Variants in LPAR1 observed in about 807,000 individuals in gnomAD.
LPAR1 encodes LPA receptor 1.
A neutral mutation model predicts 23.8 loss-of-function variants in LPAR1; 5 were observed. That is an observed-to-expected ratio of 0.21 (90% CI 0.11 to 0.44). The LOEUF (loss-of-function observed/expected upper bound fraction) is 0.44, where lower values mean the gene tolerates loss of function less well. Among genes scored for constraint, LPAR1 ranks in the 20% least tolerant of loss-of-function variants. LPAR1 has a pLI of 0.99. For synonymous variants in LPAR1, 160 were observed against 164.7 expected, an observed-to-expected ratio of 0.97 and a Z score of 0.22; for missense variants, 311 against 482.8, an observed-to-expected ratio of 0.64 and a Z score of 3.33.
chr9:110,918,992 G>A (rs1388323057), intron 5 of LPAR1, among the ~76,000 whole-genome samples: 1 of 152,202 alleles, frequency 6.6e-6, no homozygotes, highest in East Asian at 1.9e-4. Flanking sequence ...CCCCTGGTGT[G>A]TGAGCAGAAC....
chr9:111,000,900 G>A (rs558808592), intron 2 of LPAR1, among the ~76,000 whole-genome samples: 2 of 152,222 alleles, frequency 1.3e-5, no homozygotes, highest in South Asian at 4.2e-4. Flanking sequence ...TTTGGAGTCA[G>A]AATTAAATCT....
At chr9:110,949,852 T>C (rs10817118) in intron 4 of LPAR1, among the ~76,000 whole-genome samples, 33,022 of 152,034 alleles carry the variant, frequency 0.22, 4,394 homozygotes, top group Admixed American at 0.29. Flanking sequence ...TACGACTAAA[T>C]AGGGTTTCCT....
intron 2 of LPAR1, among the ~76,000 whole-genome samples, chr9:110,981,138 G>A (rs918462048): frequency 6.6e-5 from 10 of 152,076 alleles, no homozygotes; most frequent in South Asian, 6.2e-4. Context: ...TCAAATATTC[G>A]GTAAGTTCAC....
intron 5 of LPAR1, among the ~76,000 whole-genome samples, chr9:110,906,976 A>G (rs879789985): frequency 0.037 from 5,680 of 152,296 alleles, 172 homozygotes; most frequent in Non-Finnish European, 0.047. Context: ...TGTAACTTAA[A>G]AAATCTAGAA....
rs748796192 is a variant in LPAR1, at chr9:110,941,741, C to T, written c.473G>A (p.Arg158Gln). Residue 158 changes from arginine (R) to glutamine (Q), a missense_variant, in exon 5 of 6, where the codon CGG becomes CAG. Arg to Gln is a conservative substitution (Grantham distance 43). Around this residue, in one of 2 missense-constraint regions of LPAR1, gnomAD observed 250 missense variants for 427.2 expected, o/e 0.59. Coordinates refer to ENST00000683809, the MANE Select transcript of LPAR1 (RefSeq NM_001351411.2). This position sits in a 1 kb window ranked among gnomAD's most constrained non-coding sequence, Gnocchi z 6.1. ...CACCACTACCCGCCGGTTGCTCATC[C>T]GTGTGTGGAGCTGCATGCGGAAAAC... ...ITVFRMQLHT[R>Q]MSNRRVVVVI... is the part of the protein sequence containing the mutation. 1.4e-5 allele frequency: 22 copies of T among 1,614,044 alleles called. No homozygotes were observed. The highest frequency in any genetic ancestry group is 5.0e-5 in the Admixed American group (3 of 60,006).
intron 5 of LPAR1, among the ~76,000 whole-genome samples, chr9:110,888,402 G>T (rs1037567060): frequency 2.0e-5 from 3 of 152,030 alleles, no homozygotes; most frequent in African/African-American, 7.2e-5. Context: ...TTCGACAGTT[G>T]TTTTCATCAG....
intron 5 of LPAR1, among the ~76,000 whole-genome samples, chr9:110,915,297 G>A (rs1021795551): frequency 6.6e-6 from 1 of 152,206 alleles, no homozygotes; most frequent in Non-Finnish European, 1.5e-5. Context: ...AGCACTTTGG[G>A]AAGCTGAGGC....
intron 5 of LPAR1, among the ~76,000 whole-genome samples, chr9:110,890,915 G>A (rs1008081392): frequency 6.6e-6 from 1 of 151,366 alleles, no homozygotes; most frequent in African/African-American, 2.4e-5. Context: ...ATAATTACAA[G>A]TACAACACTT....
intron 4 of LPAR1, among the ~76,000 whole-genome samples, chr9:110,971,593 A>C (rs1278143439): frequency 2.6e-5 from 4 of 152,190 alleles, no homozygotes; most frequent in Non-Finnish European, 5.9e-5. Context: ...AGTTTCTGGA[A>C]TTGCATTTTG....
At chr9:110,951,952 C>T (rs889605891) in intron 4 of LPAR1, among the ~76,000 whole-genome samples, 3 of 152,132 alleles carry the variant, frequency 2.0e-5, no homozygotes, top group African/African-American at 7.2e-5. Context: ...ATGACTAAAG[C>T]AATTTGCACA....
chr9:111,032,464 C>T (rs1167308488), intron 2 of LPAR1, among the ~76,000 whole-genome samples: 2 of 152,126 alleles, frequency 1.3e-5, no homozygotes, highest in Admixed American at 1.3e-4. Context: ...GGAATCCTGC[C>T]TTATTCACAC....
At chr9:110,912,754 AG>A (rs2092621158) in intron 5 of LPAR1, among the ~76,000 whole-genome samples, 1 of 152,070 alleles carries the variant, frequency 6.6e-6, no homozygotes, top group African/African-American at 2.4e-5. Flanking sequence ...TCCAAGGAGA[AG>A]GGCTAGAGAT....
At position 110,970,469 on chromosome 9, in the gene LPAR1, C is replaced by A. The variant is rs1001279971; in HGVS notation, c.45+1604G>T. ...GGTCCACTTACCAGAAAGAGGAATG[C>A]GTATGACGATGGTAACACTAAACAT... is the stretch of plus-strand genomic sequence containing the variant. On this transcript the variant is annotated intron_variant, in intron 4 of 5. Transcript: ENST00000683809. 2.6e-5 allele frequency among the ~76,000 whole-genome samples: 4 copies of A among 152,110 alleles called. No homozygotes were observed. The South Asian group carries it at 8.3e-4, about 32-fold the overall frequency.
intron 5 of LPAR1, among the ~76,000 whole-genome samples, chr9:110,907,993 C>A (rs1171696266): frequency 6.6e-6 from 1 of 150,968 alleles, no homozygotes; most frequent in African/African-American, 2.4e-5. Flanking sequence ...AAAACAGATT[C>A]ATAAGAAAAT....
intron 2 of LPAR1, among the ~76,000 whole-genome samples, chr9:111,017,762 C>T (rs1359852924): frequency 6.6e-6 from 1 of 152,182 alleles, no homozygotes; most frequent in Non-Finnish European, 1.5e-5. Flanking sequence ...TGGCTCACGC[C>T]TATAATCTCA....
At chr9:111,023,915 T>A (rs1343392906) in intron 2 of LPAR1, among the ~76,000 whole-genome samples, 1 of 152,178 alleles carries the variant, frequency 6.6e-6, no homozygotes, top group African/African-American at 2.4e-5. Context: ...ACTAAAAAGT[T>A]TGAAAGCCAC....
rs193056594 is a variant in LPAR1 at position 110,955,790 on chromosome 9, C to T, written c.46-13622G>A. Among the ~76,000 whole-genome samples, 16 of 147,486 alleles carry T rather than the reference C, an allele frequency of 1.1e-4. No homozygotes were observed. The East Asian group carries it at 3.1e-3, about 29-fold the overall frequency. ...CAAATACATGGAATTAAAAAAAATACTACTGAATGACCATTGGGTCAAGGA... is the reference window on the plus strand; with the variant it reads ...CAAATACATGGAATTAAAAAAAATATTACTGAATGACCATTGGGTCAAGGA... On this transcript the variant is annotated intron_variant, in intron 4 of 5. Transcript: ENST00000683809.
intron 5 of LPAR1, among the ~76,000 whole-genome samples, chr9:110,901,705 T>C (rs1564412360): frequency 2.0e-5 from 3 of 150,758 alleles, no homozygotes; most frequent in Non-Finnish European, 4.4e-5. Context: ...AAGATGAGAT[T>C]TGGGTGGGGA....
At chr9:110,942,471 T>C (rs562722471) in intron 4 of LPAR1, among the ~76,000 whole-genome samples, 2 of 152,300 alleles carry the variant, frequency 1.3e-5, no homozygotes, top group East Asian at 1.9e-4. Context: ...TTAAAATACA[T>C]GAGACAGACA....
Sources: allele counts gnomAD v4.1 joint callset (sites outside exome capture counted in the v4.1 genomes callset), GRCh38; gene constraint gnomAD v4.1.1; regional missense constraint gnomAD v4.1.1; non-coding constraint Gnocchi (gnomAD v3.1); transcripts MANE v1.5; gene names NCBI Gene and HGNC (gene_info 2026-07-23, HGNC 2026-07-21).